KLF12: variants seen among roughly 807,000 people sequenced by gnomAD.
KLF12 encodes the protein Krueppel-like factor 12.
Under a neutral mutation model 37.8 loss-of-function variants are expected in KLF12, and 9 were observed. That is an observed-to-expected ratio of 0.24 (90% CI 0.14 to 0.42). The LOEUF (loss-of-function observed/expected upper bound fraction) is 0.42. KLF12 is among the 10% of genes least tolerant of loss of function. The pLI is 1.00. For missense variants in KLF12, 411 were observed against 516.0 expected, an observed-to-expected ratio of 0.80 and a Z score of 1.97; for synonymous variants, 208 against 202.1, an observed-to-expected ratio of 1.03 and a Z score of -0.25.
intron 3 of KLF12, among the ~76,000 whole-genome samples, chr13:73,896,128 T>C (rs1887759081): frequency 6.6e-6 from 1 of 152,148 alleles, no homozygotes; most frequent in African/African-American, 2.4e-5. Context: ...ATGGGAAGAA[T>C]ACAAAGTGAT....
At chr13:73,962,148 A>T in intron 2 of KLF12, 1 of 349,778 alleles carries the variant, frequency 2.9e-6, no homozygotes, top group Middle Eastern at 9.3e-4. Flanking sequence ...AATAGAAAGA[A>T]ATTAGTTATC....
intron 1 of KLF12, among the ~76,000 whole-genome samples, chr13:74,120,222 C>T (rs552447213): frequency 5.9e-4 from 90 of 152,328 alleles, no homozygotes; most frequent in African/African-American, 2.0e-3. Flanking sequence ...TGGCTCATGC[C>T]TGTAATCCCA....
At chr13:73,719,765 C>T (rs1350911451) in intron 6 of KLF12, among the ~76,000 whole-genome samples, 3 of 152,098 alleles carry the variant, frequency 2.0e-5, no homozygotes, top group African/African-American at 7.2e-5. Flanking sequence ...CCATGCCTGG[C>T]TAACGTTTTA....
At chr13:74,001,322 T>C (rs910147358) in intron 1 of KLF12, among the ~76,000 whole-genome samples, 1 of 152,222 alleles carries the variant, frequency 6.6e-6, no homozygotes, top group African/African-American at 2.4e-5. Flanking sequence ...GCGTGATGTA[T>C]ACATAGAATG....
intron 3 of KLF12, among the ~76,000 whole-genome samples, chr13:73,897,396 T>C (rs1887833327): frequency 6.6e-6 from 1 of 152,150 alleles, no homozygotes; most frequent in African/African-American, 2.4e-5. Flanking sequence ...GACATATCCA[T>C]GTTTACGACC....
intron 3 of KLF12, among the ~76,000 whole-genome samples, chr13:73,876,836 G>A (rs1731426240): frequency 6.6e-6 from 1 of 151,938 alleles, no homozygotes; most frequent in South Asian, 2.1e-4. Flanking sequence ...CCAACATGGG[G>A]AAACCCTGTC....
At chr13:74,084,704 A>G (rs967626902) in intron 1 of KLF12, among the ~76,000 whole-genome samples, 3 of 152,204 alleles carry the variant, frequency 2.0e-5, no homozygotes, top group Admixed American at 6.5e-5. Context: ...TTAGGAAACA[A>G]TAAAGCCTAA....
chr13:74,279,864 A>G, the KLF12 span, among the ~76,000 whole-genome samples: 1 of 152,190 alleles, frequency 6.6e-6, no homozygotes, highest in Non-Finnish European at 1.5e-5. Flanking sequence ...ACTTATTCTC[A>G]TGGTTAAAGG....
At chr13:74,134,786 G>A (rs539886184), upstream of KLF12, among the ~76,000 whole-genome samples, 36 of 152,004 alleles carry the variant, frequency 2.4e-4, no homozygotes, top group East Asian at 6.7e-3. Context: ...GACAGGCTTA[G>A]GAGAATTCGG....
intron 4 of KLF12, among the ~76,000 whole-genome samples, chr13:73,843,771 C>T (rs1460320415): frequency 6.6e-6 from 1 of 152,078 alleles, no homozygotes; most frequent in East Asian, 1.9e-4. Flanking sequence ...TCCTTGATCC[C>T]AAATCTCATA....
chr13:74,273,689 G>A, the KLF12 span, among the ~76,000 whole-genome samples: 2 of 152,000 alleles, frequency 1.3e-5, no homozygotes, highest in African/African-American at 4.8e-5. Flanking sequence ...ACTGAGAAGT[G>A]GACTTGGAAT....
At chr13:73,868,044 A>G (rs1237054951) in intron 3 of KLF12, among the ~76,000 whole-genome samples, 2 of 149,496 alleles carry the variant, frequency 1.3e-5, no homozygotes, top group Admixed American at 6.7e-5. Context: ...AAAGAAAAAA[A>G]AAATGCTGGG....
At chr13:73,858,952 A>C (rs192422568) in intron 3 of KLF12, among the ~76,000 whole-genome samples, 1 of 152,374 alleles carries the variant, frequency 6.6e-6, no homozygotes, top group African/African-American at 2.4e-5. Flanking sequence ...ATGATTTTAA[A>C]ACGCAGGAAA....
the KLF12 span, among the ~76,000 whole-genome samples, chr13:74,301,127 A>G: frequency 9.2e-5 from 14 of 152,070 alleles, no homozygotes; most frequent in East Asian, 2.7e-3. Flanking sequence ...TGACTCACCT[A>G]CCTTTTATTT....
chr13:73,737,878 T>C (rs1488714058), intron 6 of KLF12, among the ~76,000 whole-genome samples: 1 of 152,038 alleles, frequency 6.6e-6, no homozygotes, highest in Admixed American at 6.6e-5. Flanking sequence ...AAGACAAGAT[T>C]GGCCAATTGC....
chr13:74,122,849 G>T (rs1352765898), intron 1 of KLF12, among the ~76,000 whole-genome samples: 2 of 150,434 alleles, frequency 1.3e-5, no homozygotes, highest in African/African-American at 4.9e-5. Flanking sequence ...TAAGAACATG[G>T]ATAAAAATAT....
intron 7 of KLF12, among the ~76,000 whole-genome samples, chr13:73,696,817 T>C (rs1874182693): frequency 6.6e-6 from 1 of 152,228 alleles, no homozygotes; most frequent in Admixed American, 6.5e-5. Flanking sequence ...TTCACTATTT[T>C]ACAGTGGAAT....
intron 5 of KLF12, among the ~76,000 whole-genome samples, chr13:73,769,771 C>T (rs943652105): frequency 6.6e-6 from 1 of 152,166 alleles, no homozygotes; most frequent in African/African-American, 2.4e-5. Flanking sequence ...CACTCAGTTG[C>T]TCAGGCCAAA....
chr13:74,138,803 C>T (rs1284480236), upstream of KLF12, among the ~76,000 whole-genome samples: 1 of 152,136 alleles, frequency 6.6e-6, no homozygotes, highest in Non-Finnish European at 1.5e-5. Context: ...TTTACAAAGC[C>T]AAGTTGGCAC....
Sources: gnomAD v4.1 joint callset for allele counts (sites outside exome capture counted in the v4.1 genomes callset) on GRCh38, gnomAD v4.1.1 for gene constraint, MANE v1.5 for transcripts, NCBI Gene and HGNC (gene_info 2026-07-23, HGNC 2026-07-21) for gene names.